The following RAP1GDS1 variants were observed in gnomAD, a reference collection of about 807,000 sequenced individuals.
The protein encoded by RAP1GDS1 is Rap1 GTPase-GDP dissociation stimulator 1, also known as RAP1, GTP-GDP dissociation stimulator 1.
A neutral mutation model predicts 71.1 loss-of-function variants in RAP1GDS1; 35 were observed. The ratio of observed to expected loss-of-function variants is 0.49; its 90% CI spans 0.38 to 0.65. The LOEUF is 0.65. RAP1GDS1 is among the 30% of genes least tolerant of loss of function. The pLI is 0.00. For missense variants in RAP1GDS1, 663 were observed against 706.1 expected (o/e 0.94, Z 0.69); for synonymous variants, 229 against 243.1 (o/e 0.94, Z 0.54).
At position 98,356,563 on chromosome 4, in the gene RAP1GDS1, C is replaced by T. The variant is rs73834447; in HGVS notation, c.361+3962C>T. ...AGTAGAGGCTAGAAGAAAATGATTACGTGAAATTAAATATTTGTGCCTTTT... is the reference window on the plus strand; with the variant it reads ...AGTAGAGGCTAGAAGAAAATGATTATGTGAAATTAAATATTTGTGCCTTTT... On this transcript the variant is annotated intron_variant, in intron 4 of 14. Transcript: ENST00000408927. 3.8e-3 allele frequency among the ~76,000 whole-genome samples: 583 copies of T among 151,904 alleles called. 6 individuals carry two copies. The highest frequency in any genetic ancestry group is 0.013 in the African/African-American group (556 of 41,438).
intron 8 of RAP1GDS1, 108 bp downstream of exon 8, chr4:98,416,996 A>C: frequency 3.2e-6 from 4 of 1,246,470 alleles, no homozygotes; most frequent in East Asian, 2.3e-5. Context: ...TTCCTATCTC[A>C]CCTGCTATTG....
chr4:98,379,275 G>A, intron 5 of RAP1GDS1, 112 bp downstream of exon 5: 2 of 1,086,720 alleles, frequency 1.8e-6, no homozygotes, highest in Non-Finnish European at 2.5e-6. Flanking sequence ...TTCGTAAGTG[G>A]CATATAAAAT....
intron 4 of RAP1GDS1, among the ~76,000 whole-genome samples, chr4:98,354,323 A>C (rs1336702279): frequency 2.6e-5 from 4 of 151,956 alleles, no homozygotes; most frequent in Non-Finnish European, 4.4e-5. Context: ...CGGCCTCCCA[A>C]AGTGCTGGGA....
At chr4:98,418,569 TA>T (rs1398449325) in intron 9 of RAP1GDS1, 87 bp from the exon 10 acceptor site, 9 of 1,177,266 alleles carry the variant, frequency 7.6e-6, no homozygotes, top group Non-Finnish European at 9.1e-6. Flanking sequence ...CCATTTTCCC[TA>T]ATGTAGATAA....
At chr4:98,272,530 T>C (rs1723622535) in intron 1 of RAP1GDS1, among the ~76,000 whole-genome samples, 1 of 152,144 alleles carries the variant, frequency 6.6e-6, no homozygotes, top group African/African-American at 2.4e-5. Context: ...GGTCGGACGT[T>C]GTCATGGAGA....
At chr4:98,354,988 T>A (rs1424278947) in intron 4 of RAP1GDS1, among the ~76,000 whole-genome samples, 1 of 152,162 alleles carries the variant, frequency 6.6e-6, no homozygotes, top group Non-Finnish European at 1.5e-5. Context: ...ACCCTTTTAT[T>A]CAAAATTAAA....
intron 3 of RAP1GDS1, among the ~76,000 whole-genome samples, chr4:98,343,970 T>G (rs950893674): frequency 6.6e-5 from 10 of 152,216 alleles, no homozygotes; most frequent in African/African-American, 2.4e-4. Context: ...CAGTTTTACA[T>G]TATTTTTTAG....
intron 5 of RAP1GDS1, among the ~76,000 whole-genome samples, chr4:98,388,106 A>G (rs1336521415): frequency 6.6e-6 from 1 of 152,244 alleles, no homozygotes. Flanking sequence ...ATATCAACTT[A>G]TCCTACACAA....
At chr4:98,271,581 A>G (rs138629672) in intron 1 of RAP1GDS1, among the ~76,000 whole-genome samples, 2,054 of 152,256 alleles carry the variant, frequency 0.013, 30 homozygotes, top group South Asian at 0.075. Flanking sequence ...GTAAGTAGTG[A>G]TGGTTTTGAG....
intron 7 of RAP1GDS1, among the ~76,000 whole-genome samples, chr4:98,415,844 T>C (rs1044733385): frequency 6.6e-6 from 1 of 152,222 alleles, no homozygotes; most frequent in East Asian, 1.9e-4. Flanking sequence ...TAAACCACCA[T>C]GTACCCATCA....
At chr4:98,317,895 G>A (rs565256522) in intron 2 of RAP1GDS1, among the ~76,000 whole-genome samples, 19 of 147,500 alleles carry the variant, frequency 1.3e-4, no homozygotes, top group African/African-American at 2.0e-4. Context: ...AGGCCGGAGT[G>A]CAGTGGTGTG....
chr4:98,412,118 A>C (rs1246511747), intron 7 of RAP1GDS1, among the ~76,000 whole-genome samples: 2 of 152,228 alleles, frequency 1.3e-5, no homozygotes, highest in Non-Finnish European at 2.9e-5. Context: ...TATTTTTCCT[A>C]AATGATAAGC....
chr4:98,436,958 T>C lies in RAP1GDS1; in HGVS notation c.1586T>C (p.Leu529Pro). ...TTTGTAGGCACTGCTGAGAAAGATC[T>C]AGAAAGTGCTAAACTTGTACAGATT... ...ALELGTAEKD[L>P]ESAKLVQILH... The change falls in exon 14 of 15, where the codon CTA becomes CCA. Residue 529 changes from leucine (L) to proline (P), a missense_variant. Transcript: ENST00000408927. The C allele has an allele frequency of 6.2e-7, 1 of 1,607,088 alleles. No individual in the cohort carries two copies. The highest frequency in any genetic ancestry group is 1.1e-5 in the South Asian group (1 of 89,438).
rs80183533 is a variant in RAP1GDS1 at position 98,394,096 on chromosome 4, A to G, written c.637+2016A>G. On this transcript the variant is annotated intron_variant, in intron 6 of 14. Coordinates refer to ENST00000408927, the MANE Select transcript of RAP1GDS1 (RefSeq NM_001100427.2). Reference sequence around the variant, plus strand: ...ATTTATCTCATCTAACTTTAAGGAAAAGTCAGTACAAAGTAAGGAAATTAC... The same window carrying G: ...ATTTATCTCATCTAACTTTAAGGAAGAGTCAGTACAAAGTAAGGAAATTAC... Among the ~76,000 whole-genome samples the G allele has an allele frequency of 9.1e-3, 1,388 of 152,270 alleles. 23 individuals carry two copies. Among genetic ancestry groups the G allele is most frequent in the African/African-American group, 0.032 (1,318 of 41,570 alleles).
intron 1 of RAP1GDS1, among the ~76,000 whole-genome samples, 176 bp from the exon 2 acceptor site, chr4:98,293,232 A>G (rs995204894): frequency 2.0e-5 from 3 of 152,196 alleles, no homozygotes; most frequent in African/African-American, 7.2e-5. Flanking sequence ...TTAAGTGAAC[A>G]AAGTGCATTT....
At chr4:98,378,366 T>C (rs574069655) in intron 4 of RAP1GDS1, among the ~76,000 whole-genome samples, 1 of 151,948 alleles carries the variant, frequency 6.6e-6, no homozygotes, top group African/African-American at 2.4e-5. Flanking sequence ...ATTATATTGG[T>C]GTGCCCTAGA....
chr4:98,439,258 G>A (rs1751580441), intron 14 of RAP1GDS1, among the ~76,000 whole-genome samples: 1 of 152,032 alleles, frequency 6.6e-6, no homozygotes, highest in Admixed American at 6.5e-5. Context: ...CTTTTTTCTA[G>A]CCTCCCTGGT....
chr4:98,428,071 G>T (rs1445501117), intron 12 of RAP1GDS1, among the ~76,000 whole-genome samples: 2 of 151,974 alleles, frequency 1.3e-5, no homozygotes, highest in Admixed American at 1.3e-4. Flanking sequence ...ACAGCCAACT[G>T]ATCTTTGACA....
At chr4:98,320,042 G>C (rs943079712) in intron 2 of RAP1GDS1, among the ~76,000 whole-genome samples, 4 of 152,048 alleles carry the variant, frequency 2.6e-5, no homozygotes, top group African/African-American at 9.7e-5. Flanking sequence ...AAAATATTTT[G>C]TCTTCTGTAT....
Sources: allele counts gnomAD v4.1 joint callset (sites outside exome capture counted in the v4.1 genomes callset), GRCh38; gene constraint gnomAD v4.1.1; transcripts MANE v1.5; gene names NCBI Gene and HGNC (gene_info 2026-07-23, HGNC 2026-07-21).